TRIP4: variants seen among roughly 807,000 people sequenced by gnomAD.
TRIP4 encodes activating signal cointegrator 1.
A neutral mutation model predicts 81.8 loss-of-function variants in TRIP4; 54 were observed. That is an observed-to-expected ratio of 0.66 (90% CI 0.53 to 0.83). TRIP4 has a LOEUF of 0.83. Among genes scored for constraint, TRIP4 ranks in the 40% least tolerant of loss-of-function variants. TRIP4 has a pLI of 0.00. For missense variants in TRIP4, 662 were observed against 683.6 expected (o/e 0.97, Z 0.35); for synonymous variants, 270 against 242.8 (o/e 1.11, Z -1.04).
chr15:64,426,824 C>T (rs140088595), intron 11 of TRIP4, among the ~76,000 whole-genome samples: 100 of 151,610 alleles, frequency 6.6e-4, no homozygotes, highest in African/African-American at 2.3e-3. Context: ...CACGGTCAAA[C>T]CCCATCTCTA....
At position 64,393,962 on chromosome 15, in the gene TRIP4, G is replaced by C. The variant is rs754785102; in HGVS notation, c.118G>C (p.Glu40Gln). ...EEIIQYVLSI[E>Q]SAEEIREYVT... is the part of the protein sequence containing the mutation. ...CCTCCTGAGGTACGTTTTGTCAATTGAGAGTGCTGAAGAGATACGAGAATA... is the reference window on the plus strand; with the variant it reads ...CCTCCTGAGGTACGTTTTGTCAATTCAGAGTGCTGAAGAGATACGAGAATA... The change falls in exon 2 of 13, where the codon GAG becomes CAG. Residue 40 changes from glutamate (E) to glutamine (Q), a missense_variant. Transcript: ENST00000261884. 2 of 1,587,522 alleles carry C rather than the reference G, an allele frequency of 1.3e-6. No individual in the cohort carries two copies. The highest frequency in any genetic ancestry group is 3.7e-5 in the Admixed American group (2 of 54,476).
intron 12 of TRIP4, among the ~76,000 whole-genome samples, chr15:64,451,836 TAG>T (rs1368208621): frequency 6.6e-6 from 1 of 151,410 alleles, no homozygotes; most frequent in African/African-American, 2.4e-5. Flanking sequence ...GTATTTTTAG[TAG>T]AGACGGGTTT....
chr15:64,393,706 A>C, intron 1 of TRIP4: 1 of 312,352 alleles, frequency 3.2e-6, no homozygotes, highest in Non-Finnish European at 5.8e-6. Flanking sequence ...TAATTCCATC[A>C]CTCACTAGTA....
chr15:64,417,147 A>G (rs900637434), intron 8 of TRIP4, among the ~76,000 whole-genome samples: 2 of 152,150 alleles, frequency 1.3e-5, no homozygotes, highest in African/African-American at 2.4e-5. Context: ...GGCTCAGACT[A>G]CAGTAGCCAC....
intron 12 of TRIP4, among the ~76,000 whole-genome samples, chr15:64,447,035 C>T (rs760529728): frequency 6.1e-4 from 92 of 152,050 alleles, no homozygotes; most frequent in Non-Finnish European, 8.8e-4. Context: ...ACCTGGGAGG[C>T]GGAGCTTACA....
At chr15:64,446,725 TAATTGATTG>T (rs1186367864) in intron 12 of TRIP4, among the ~76,000 whole-genome samples, 1 of 151,868 alleles carries the variant, frequency 6.6e-6, no homozygotes, top group Non-Finnish European at 1.5e-5. Flanking sequence ...TTTTATTAGT[TAATTGATTG>T]AGACAGGGTC....
At chr15:64,453,769 G>A (rs775541276) in intron 12 of TRIP4, among the ~76,000 whole-genome samples, 1 of 152,206 alleles carries the variant, frequency 6.6e-6, no homozygotes, top group Non-Finnish European at 1.5e-5. Context: ...GAGATATACA[G>A]ACAGACTAAT....
intron 11 of TRIP4, among the ~76,000 whole-genome samples, chr15:64,438,955 T>A (rs1452725525): frequency 6.6e-6 from 1 of 152,194 alleles, no homozygotes; most frequent in Non-Finnish European, 1.5e-5. Flanking sequence ...ATATGGATTG[T>A]CTCTGTAGCA....
chr15:64,399,693 G>C (rs970071301), intron 4 of TRIP4, among the ~76,000 whole-genome samples: 9 of 151,828 alleles, frequency 5.9e-5, no homozygotes, highest in Admixed American at 5.9e-4. Flanking sequence ...GTAGAGACAG[G>C]GTTTCTCTAT....
At chr15:64,439,191 G>A (rs2140309891) in intron 11 of TRIP4, among the ~76,000 whole-genome samples, 1 of 152,312 alleles carries the variant, frequency 6.6e-6, no homozygotes, top group South Asian at 2.1e-4. Flanking sequence ...TAGTTATCCT[G>A]TGACACCTTG....
At chr15:64,411,284 T>C (rs1365353127) in intron 7 of TRIP4, among the ~76,000 whole-genome samples, 1 of 151,946 alleles carries the variant, frequency 6.6e-6, no homozygotes, top group Non-Finnish European at 1.5e-5. Context: ...ATACCAGGAG[T>C]GAACGCTAAT....
chr15:64,397,371 T>C (rs1351883978), intron 3 of TRIP4, among the ~76,000 whole-genome samples: 1 of 152,220 alleles, frequency 6.6e-6, no homozygotes, highest in African/African-American at 2.4e-5. Flanking sequence ...GCTATAGTAA[T>C]GGGCTGAAAG....
intron 11 of TRIP4, 107 bp downstream of exon 11, chr15:64,425,738 A>G: frequency 3.8e-6 from 3 of 794,384 alleles, no homozygotes; most frequent in Non-Finnish European, 5.8e-6. Flanking sequence ...TGCTGGGATT[A>G]TAGGCATGAG....
At chr15:64,406,817 A>G (rs1440879770) in intron 6 of TRIP4, among the ~76,000 whole-genome samples, 2 of 152,166 alleles carry the variant, frequency 1.3e-5, no homozygotes, top group Admixed American at 1.3e-4. Flanking sequence ...TGGGCTCTGG[A>G]GAATCTGTAA....
In TRIP4 at chr15:64,414,094, G is replaced by A; in HGVS notation, c.1053G>A (p.Glu351=). The A allele has an allele frequency of 6.2e-7, 1 of 1,614,024 alleles. No individual in the cohort carries two copies. ...SLAEYHSRLD[E]TIQAIANGTL... is the part of the protein sequence containing the mutation. ...TGGTTTATTATCACAGACTAGATGA[G>A]ACAATACAGGCCATTGCCAATGGAA... The change falls in exon 8 of 13, where the codon GAG becomes GAA. Residue 351 remains glutamate (E), a synonymous_variant. Coordinates refer to ENST00000261884, the MANE Select transcript of TRIP4 (RefSeq NM_016213.5).
chr15:64,388,881 A>G (rs549172175), intron 1 of TRIP4, among the ~76,000 whole-genome samples: 2 of 152,274 alleles, frequency 1.3e-5, no homozygotes, highest in African/African-American at 2.4e-5. Flanking sequence ...TGAAATGGAG[A>G]TGGTGTACAT....
At chr15:64,388,674 T>C (rs368749658) in intron 1 of TRIP4, among the ~76,000 whole-genome samples, 1 of 152,188 alleles carries the variant, frequency 6.6e-6, no homozygotes, top group Admixed American at 6.5e-5. Context: ...GTCAGCTGTG[T>C]CAATAGGACC....
At chr15:64,400,713 A>G in intron 4 of TRIP4, 30 bp from the exon 5 acceptor site, 1 of 1,559,454 alleles carries the variant, frequency 6.4e-7, no homozygotes, top group Non-Finnish European at 8.8e-7. Flanking sequence ...TAACTGTTGG[A>G]TCACATGTCT....
intron 11 of TRIP4, among the ~76,000 whole-genome samples, chr15:64,430,469 TGG>T (rs1892243860): frequency 1.3e-5 from 2 of 152,232 alleles, no homozygotes; most frequent in African/African-American, 2.4e-5. Context: ...ATCAAGGCTG[TGG>T]TTTGTAACCT....
Sources: allele counts gnomAD v4.1 joint callset (sites outside exome capture counted in the v4.1 genomes callset), GRCh38; gene constraint gnomAD v4.1.1; transcripts MANE v1.5; gene names NCBI Gene and HGNC (gene_info 2026-07-23, HGNC 2026-07-21).